The following CISD2 variants were observed in gnomAD, a reference collection of about 807,000 sequenced individuals.
The protein encoded by CISD2 is CDGSH iron-sulfur domain-containing protein 2.
Under a neutral mutation model 12.9 loss-of-function variants are expected in CISD2, and 1 was observed. The observed-to-expected ratio is 0.08, with a 90% CI of 0.03 to 0.37. The LOEUF is 0.37. Ranked by LOEUF, CISD2 falls within the 10% of genes least tolerant of loss-of-function variation. CISD2 has a pLI of 0.99. For missense variants in CISD2, 97 were observed against 163.1 expected, an observed-to-expected ratio of 0.59 and a Z score of 2.21; for synonymous variants, 50 against 60.6, an observed-to-expected ratio of 0.83 and a Z score of 0.81.
At position 102,890,134 on chromosome 4, in the gene CISD2, TAAGC is replaced by T. The variant is rs1734164275; in HGVS notation, c.*2708_*2711del. ...TGAATGATTCATTCATATGGGTAATTAAGCAAGTTGAATTATGGAAAGCACCTCA... is the reference window on the plus strand; with the variant it reads ...TGAATGATTCATTCATATGGGTAATTAAGTTGAATTATGGAAAGCACCTCA... On this transcript the variant is annotated 3_prime_UTR_variant, in exon 3 of 3. Coordinates refer to ENST00000273986, the MANE Select transcript of CISD2 (RefSeq NM_001008388.5). 6.6e-6 allele frequency: 1 copy of T among 152,206 alleles called. No homozygotes were observed. The highest frequency in any genetic ancestry group is 1.5e-5 in the Non-Finnish European group (1 of 68,030). 9.4% of individuals were successfully genotyped at this position (152,206 alleles called of 1,614,324 possible). A position where few individuals can be genotyped will look rare whatever the true frequency, so the allele number is the denominator to read the frequency against.
chr4:102,872,220 C>T (rs550137683), intron 1 of CISD2, among the ~76,000 whole-genome samples: 1 of 152,110 alleles, frequency 6.6e-6, no homozygotes, highest in South Asian at 2.1e-4. Flanking sequence ...AGGCATGTGC[C>T]ACCATGCCTG....
intron 1 of CISD2, among the ~76,000 whole-genome samples, chr4:102,872,790 A>G (rs947774453): frequency 1.3e-5 from 2 of 152,244 alleles, no homozygotes; most frequent in African/African-American, 4.8e-5. Flanking sequence ...TTTGTTTCCC[A>G]AAGAAGATAC....
At chr4:102,884,040 T>C (rs1733794306) in intron 1 of CISD2, among the ~76,000 whole-genome samples, 1 of 152,236 alleles carries the variant, frequency 6.6e-6, no homozygotes, top group African/African-American at 2.4e-5. Context: ...ATATTGTCTT[T>C]CTTTCAATAG....
rs1021839438 is a variant in CISD2 at position 102,881,589 on chromosome 4, A to C, written c.104-3627A>C. On this transcript the variant is annotated intron_variant, in intron 1 of 2. Coordinates refer to ENST00000273986, the MANE Select transcript of CISD2 (RefSeq NM_001008388.5). ...ATGTATCAGTACAAAAACAGCCTGA[A>C]TAAATGTACTTACAGTCATTTGAAT... 5.3e-5 allele frequency among the ~76,000 whole-genome samples: 8 copies of C among 152,234 alleles called. No individual in the cohort carries two copies. The South Asian group carries it at 1.7e-3, about 31-fold the overall frequency.
At position 102,869,063 on chromosome 4, in the gene CISD2, G is replaced by A. The variant is rs762124130; in HGVS notation, c.-22G>A. On this transcript the variant is annotated 5_prime_UTR_variant, in exon 1 of 3. Transcript: ENST00000273986. ...GCCAGAGCGGAGGGGGCTCGGGAGAGGAGTGGACGCCGCTGGCCAGGATGG... is the reference window on the plus strand; with the variant it reads ...GCCAGAGCGGAGGGGGCTCGGGAGAAGAGTGGACGCCGCTGGCCAGGATGG... 3.8e-6 allele frequency: 6 copies of A among 1,598,176 alleles called. No individual in the cohort carries two copies. Among genetic ancestry groups the A allele is most frequent in the Admixed American group, 1.7e-5 (1 of 58,434 alleles).
chr4:102,882,407 A>G lies in CISD2; in HGVS notation c.104-2809A>G, dbSNP rs574062332. Among the ~76,000 whole-genome samples, 5 of 152,274 alleles carry G rather than the reference A, an allele frequency of 3.3e-5. No homozygotes were observed. The South Asian group carries it at 6.2e-4, about 19-fold the overall frequency. On this transcript the variant is annotated intron_variant, in intron 1 of 2. Transcript: ENST00000273986. ...TAATTAGTCAGATAAAACAGAAGGA[A>G]CTCCATATGCAAAGAACTCAAAAAG...
At chr4:102,879,112 A>G (rs1288961920) in intron 1 of CISD2, among the ~76,000 whole-genome samples, 2 of 152,102 alleles carry the variant, frequency 1.3e-5, no homozygotes, top group Non-Finnish European at 2.9e-5. Flanking sequence ...GGAGAACAGC[A>G]TGGGGGAGAT....
intron 1 of CISD2, among the ~76,000 whole-genome samples, chr4:102,872,969 C>T (rs1170595595): frequency 1.3e-5 from 2 of 152,240 alleles, no homozygotes; most frequent in South Asian, 2.1e-4. Flanking sequence ...CCTTAGGAAA[C>T]GTACAATCAT....
intron 1 of CISD2, among the ~76,000 whole-genome samples, chr4:102,878,589 A>T (rs1384156668): frequency 6.6e-6 from 1 of 152,228 alleles, no homozygotes; most frequent in Non-Finnish European, 1.5e-5. Context: ...TTGCTAAAGC[A>T]TAGCAAGAGT....
intron 1 of CISD2, among the ~76,000 whole-genome samples, chr4:102,878,157 A>G (rs1220259153): frequency 2.6e-5 from 4 of 151,724 alleles, no homozygotes. Context: ...AAGGAGGGGG[A>G]CAGAGTCTCA....
intron 1 of CISD2, 134 bp from the exon 2 acceptor site, chr4:102,885,082 C>A: frequency 1.4e-6 from 1 of 736,684 alleles, no homozygotes; most frequent in Non-Finnish European, 2.4e-6. Flanking sequence ...GTTATTTATT[C>A]ACAGTTTTAT....
chr4:102,884,415 A>T (rs1405702887), intron 1 of CISD2, among the ~76,000 whole-genome samples: 1 of 152,212 alleles, frequency 6.6e-6, no homozygotes, highest in East Asian at 1.9e-4. Context: ...TTCGGCATTC[A>T]GTGAAGGAAG....
intron 1 of CISD2, among the ~76,000 whole-genome samples, chr4:102,884,188 C>T (rs1733799110): frequency 6.6e-6 from 1 of 152,164 alleles, no homozygotes; most frequent in South Asian, 2.1e-4. Context: ...CCTGCTTAGG[C>T]TACAGTTTTC....
chr4:102,873,000 C>T (rs1240077266), intron 1 of CISD2, among the ~76,000 whole-genome samples: 1 of 152,176 alleles, frequency 6.6e-6, no homozygotes, highest in Non-Finnish European at 1.5e-5. Context: ...GAAGGGGAAA[C>T]AAGGCACCTT....
At chr4:102,877,264 T>C (rs1733613638) in intron 1 of CISD2, among the ~76,000 whole-genome samples, 1 of 152,114 alleles carries the variant, frequency 6.6e-6, no homozygotes, top group South Asian at 2.1e-4. Flanking sequence ...AAAACATAAG[T>C]TAGTTCCTTT....
intron 1 of CISD2, among the ~76,000 whole-genome samples, chr4:102,875,363 G>A (rs191321389): frequency 1.9e-4 from 29 of 152,200 alleles, no homozygotes; most frequent in African/African-American, 6.5e-4. Context: ...TATTATGATC[G>A]TCTTTTATAG....
chr4:102,875,359 G>C (rs1360786718), intron 1 of CISD2, among the ~76,000 whole-genome samples: 2 of 152,200 alleles, frequency 1.3e-5, no homozygotes, highest in Non-Finnish European at 2.9e-5. Context: ...ACAGTATTAT[G>C]ATCGTCTTTT....
rs1305845835 is a variant in CISD2 at position 102,889,659 on chromosome 4, T to TA, written c.*2233dup. On this transcript the variant is annotated 3_prime_UTR_variant, in exon 3 of 3. Coordinates refer to ENST00000273986, the MANE Select transcript of CISD2 (RefSeq NM_001008388.5). ...TTTTCCCTGCCACATTTTCAGTTGT[T>TA]AAAATATGCTAAGAGCTATGCCCAT... The TA allele has an allele frequency of 2.6e-5, 4 of 152,216 alleles. No homozygotes were observed. Among genetic ancestry groups the TA allele is most frequent in the African/African-American group, 9.6e-5 (4 of 41,462 alleles). The allele number at this position is 152,216 out of a possible 1,614,324, so 9.4% of individuals were successfully genotyped here. A position where few individuals can be genotyped will look rare whatever the true frequency, so the allele number is the denominator to read the frequency against.
At chr4:102,887,247 G>T (rs1228156951) in intron 2 of CISD2, 94 bp from the exon 3 acceptor site, 1 of 753,356 alleles carries the variant, frequency 1.3e-6, no homozygotes, top group African/African-American at 1.7e-5. Flanking sequence ...TTTTTAGCAA[G>T]TGATATGCTT....
Sources: allele counts gnomAD v4.1 joint callset (sites outside exome capture counted in the v4.1 genomes callset), GRCh38; gene constraint gnomAD v4.1.1; transcripts MANE v1.5; gene names NCBI Gene and HGNC (gene_info 2026-07-23, HGNC 2026-07-21).